The following CNNM2 variants were observed in gnomAD, a reference collection of about 807,000 sequenced individuals.
CNNM2 encodes the protein cyclin and CBS domain divalent metal cation transport mediator 2.
In CNNM2, 12 loss-of-function variants were observed where a neutral mutation model predicts 66.9. That is an observed-to-expected ratio of 0.18 (90% confidence interval 0.11 to 0.29). The LOEUF (loss-of-function observed/expected upper bound fraction) is 0.29, where lower values mean the gene tolerates loss of function less well. CNNM2 is among the 10% of genes least tolerant of loss of function. The pLI is 1.00. For synonymous variants in CNNM2, 557 were observed against 501.8 expected (o/e 1.11, Z -1.47); for missense variants, 705 against 1,167.7 (o/e 0.60, Z 5.77).
chr10:103,036,601 A>G (rs1385604474), intron 1 of CNNM2, among the ~76,000 whole-genome samples: 2 of 151,956 alleles, frequency 1.3e-5, no homozygotes, highest in Non-Finnish European at 2.9e-5. Context: ...GGTCTCTGCT[A>G]CTCTCTCCAA....
intron 1 of CNNM2, chr10:102,921,236 T>G (rs1845622215): frequency 5.8e-6 from 1 of 172,456 alleles, no homozygotes; most frequent in South Asian, 1.9e-4. Context: ...TGTGCAGGTA[T>G]TGAAATGTGT....
chr10:102,940,002 A>ACAACAAAAAC (rs113981545), intron 1 of CNNM2, among the ~76,000 whole-genome samples: 15 of 151,042 alleles, frequency 9.9e-5, no homozygotes, highest in African/African-American at 2.2e-4. Flanking sequence ...AACAACAACA[A>ACAACAAAAAC]AAAAAAAACC....
intron 1 of CNNM2, among the ~76,000 whole-genome samples, chr10:102,990,615 G>T (rs1276297085): frequency 1.3e-5 from 2 of 152,110 alleles, no homozygotes; most frequent in Non-Finnish European, 2.9e-5. Flanking sequence ...AAAGTTCTTG[G>T]AAGTAAAAGT....
rs1055812 is a variant in CNNM2 at position 103,089,869 on chromosome 10, T to C, written c.*12689T>C. On this transcript the variant is annotated 3_prime_UTR_variant, in exon 8 of 8. Coordinates refer to ENST00000369878, the MANE Select transcript of CNNM2 (RefSeq NM_017649.5). ...GCAAGAGGAGACTCCATCTCATTGA[T>C]ATCTACGTGTGTGTGCTCCACCGTT... 4 of 1,613,602 alleles carry C rather than the reference T, an allele frequency of 2.5e-6. No homozygotes were observed. Among genetic ancestry groups the C allele is most frequent in the Non-Finnish European group, 2.5e-6 (3 of 1,179,712 alleles).
At chr10:102,990,182 T>C (rs2063874178) in intron 1 of CNNM2, among the ~76,000 whole-genome samples, 1 of 152,132 alleles carries the variant, frequency 6.6e-6, no homozygotes, top group African/African-American at 2.4e-5. Flanking sequence ...GCCAGGCTGA[T>C]CTCGAACTCC....
At chr10:102,930,718 TC>T (rs560107056) in intron 1 of CNNM2, among the ~76,000 whole-genome samples, 31 of 152,250 alleles carry the variant, frequency 2.0e-4, no homozygotes, top group African/African-American at 6.7e-4. Flanking sequence ...CATTTTCTGT[TC>T]CCCCTAGTCA....
rs2065783323 is a variant in CNNM2 at position 103,084,346 on chromosome 10, G to C, written c.*7166G>C. On this transcript the variant is annotated 3_prime_UTR_variant, in exon 8 of 8. Coordinates refer to ENST00000369878, the MANE Select transcript of CNNM2 (RefSeq NM_017649.5). ...CTGACAGAATTGGCTTTCAGACACT[G>C]CCTGACCTAACTACCGCTCCCATCT... is the stretch of plus-strand genomic sequence containing the variant. 1 of 152,208 alleles carries C rather than the reference G, an allele frequency of 6.6e-6. No individual in the cohort carries two copies. Among genetic ancestry groups the C allele is most frequent in the African/African-American group, 2.4e-5 (1 of 41,444 alleles). The allele number at this position is 152,208 out of a possible 1,614,324, so 9.4% of individuals were successfully genotyped here.
chr10:103,045,920 C>T (rs1236594251), intron 1 of CNNM2, among the ~76,000 whole-genome samples: 1 of 152,230 alleles, frequency 6.6e-6, no homozygotes, highest in Non-Finnish European at 1.5e-5. Context: ...GCTGGGATTA[C>T]AGGCGTGAGC....
intron 1 of CNNM2, among the ~76,000 whole-genome samples, chr10:102,954,680 A>G (rs1366715660): frequency 1.3e-5 from 2 of 152,260 alleles, no homozygotes; most frequent in East Asian, 3.9e-4. Flanking sequence ...ACAATCCAGG[A>G]ATTTTCGGGG....
intron 1 of CNNM2, among the ~76,000 whole-genome samples, chr10:102,998,387 C>A (rs1348161548): frequency 1.3e-5 from 2 of 152,302 alleles, no homozygotes; most frequent in East Asian, 3.9e-4. Context: ...ACTTTCCATT[C>A]TTTAACTATC....
At chr10:102,971,305 G>A (rs2063544153) in intron 1 of CNNM2, among the ~76,000 whole-genome samples, 1 of 149,372 alleles carries the variant, frequency 6.7e-6, no homozygotes, top group Non-Finnish European at 1.5e-5. Flanking sequence ...AAGTCACCCA[G>A]TAAACAAAGG....
At chr10:102,925,513 A>G (rs1195552848) in intron 1 of CNNM2, among the ~76,000 whole-genome samples, 1 of 152,078 alleles carries the variant, frequency 6.6e-6, no homozygotes, top group Non-Finnish European at 1.5e-5. Context: ...TGAGAAAGAG[A>G]AAAAACAAAG....
intron 1 of CNNM2, among the ~76,000 whole-genome samples, chr10:102,990,185 C>T (rs543353585): frequency 2.5e-4 from 38 of 152,168 alleles, no homozygotes; most frequent in South Asian, 4.2e-4. Context: ...AGGCTGATCT[C>T]GAACTCCTCA....
Position 102,976,425 on chromosome 10 carries a change from C to CTTTTTTTT in CNNM2, c.1621+56343_1621+56350dup, listed in dbSNP as rs1206577839. On this transcript the variant is annotated intron_variant, in intron 1 of 7. Coordinates refer to ENST00000369878, the MANE Select transcript of CNNM2 (RefSeq NM_017649.5). The stretch of plus-strand genomic sequence containing the variant: ...TTACAGTATCAGTTCCAATTCTTGC[C>CTTTTTTTT]TTTTTTTTTTTTTTTTTTTTTTTTT... Among the ~76,000 whole-genome samples, 18 of 34,722 alleles carry CTTTTTTTT rather than the reference C, an allele frequency of 5.2e-4. 4 individuals carry two copies. Among genetic ancestry groups the CTTTTTTTT allele is most frequent in the East Asian group, 2.6e-3 (3 of 1,148 alleles). 22.8% of individuals were successfully genotyped at this position (34,722 alleles called of 152,430 possible).
intron 1 of CNNM2, among the ~76,000 whole-genome samples, chr10:102,984,840 T>G (rs546145033): frequency 6.6e-6 from 1 of 152,184 alleles, no homozygotes; most frequent in East Asian, 1.9e-4. Context: ...AGAGGTGGTG[T>G]TTCACCATGT....
intron 4 of CNNM2, among the ~76,000 whole-genome samples, chr10:103,067,801 C>G (rs950526926): frequency 8.5e-5 from 13 of 152,270 alleles, no homozygotes; most frequent in African/African-American, 3.1e-4. Context: ...AAGGGAAAAT[C>G]TTAGGGGGAG....
intron 1 of CNNM2, among the ~76,000 whole-genome samples, chr10:102,973,020 A>T (rs1261195019): frequency 1.3e-5 from 2 of 152,188 alleles, no homozygotes; most frequent in African/African-American, 4.8e-5. Flanking sequence ...TGACAGCATG[A>T]CATAGTTTAT....
At chr10:102,958,182 C>T (rs377343857) in intron 1 of CNNM2, among the ~76,000 whole-genome samples, 2 of 152,118 alleles carry the variant, frequency 1.3e-5, no homozygotes, top group East Asian at 3.9e-4. Context: ...GTGATCCGCC[C>T]GCCTTAGCCT....
chr10:103,044,633 T>A (rs954423692), intron 1 of CNNM2, among the ~76,000 whole-genome samples: 1 of 152,110 alleles, frequency 6.6e-6, no homozygotes, highest in East Asian at 1.9e-4. Flanking sequence ...AATGGTTAAG[T>A]GGGAAGGTGC....
Sources: gnomAD v4.1 joint callset for allele counts (sites outside exome capture counted in the v4.1 genomes callset) on GRCh38, gnomAD v4.1.1 for gene constraint, MANE v1.5 for transcripts, NCBI Gene and HGNC (gene_info 2026-07-23, HGNC 2026-07-21) for gene names.